The following CPEB2 variants were observed in gnomAD, a reference collection of about 807,000 sequenced individuals.
The protein encoded by CPEB2 is cytoplasmic polyadenylation element-binding protein 2.
Under a neutral mutation model 93.6 loss-of-function variants are expected in CPEB2, and 56 were observed. That is an observed-to-expected ratio of 0.60 (90% CI 0.48 to 0.75). The LOEUF (loss-of-function observed/expected upper bound fraction) is 0.75, where lower values mean the gene tolerates loss of function less well. Among genes scored for constraint, CPEB2 ranks in the 30% least tolerant of loss-of-function variants. The pLI is 0.00. For synonymous variants in CPEB2, 764 were observed against 586.3 expected, an observed-to-expected ratio of 1.30 and a Z score of -4.38; for missense variants, 1,579 against 1,395.1, an observed-to-expected ratio of 1.13 and a Z score of -2.10.
At chr4:15,020,755 G>A (rs921521506) in intron 4 of CPEB2, among the ~76,000 whole-genome samples, 8 of 152,124 alleles carry the variant, frequency 5.3e-5, no homozygotes, top group Non-Finnish European at 1.0e-4. Context: ...GCACGTTGTC[G>A]GAGACAGACA....
chr4:15,040,989 A>AAT (rs1173425617), intron 6 of CPEB2, among the ~76,000 whole-genome samples: 2 of 152,088 alleles, frequency 1.3e-5, no homozygotes, highest in Non-Finnish European at 1.5e-5. Flanking sequence ...GTTTTCTAAG[A>AAT]ATATAACCCC....
Position 15,058,558 on chromosome 4 carries a change from A to G in CPEB2, c.2580+19A>G. 7.3e-7 allele frequency: 1 copy of G among 1,367,108 alleles called. No individual in the cohort carries two copies. Among genetic ancestry groups the G allele is most frequent in the Non-Finnish European group, 1.0e-6 (1 of 971,236 alleles). The allele number at this position is 1,367,108 out of a possible 1,614,324, so 84.7% of individuals were successfully genotyped here. A position where few individuals can be genotyped will look rare whatever the true frequency, so the allele number is the denominator to read the frequency against. On this transcript the variant is annotated intron_variant, in intron 9 of 11. Transcript: ENST00000538197. ...CAAACCAGTAAGTAAATACCACATG[A>G]ACTTCAGGCTACAAATGCAAATTTT...
chr4:15,023,162 A>C (rs949462245), intron 4 of CPEB2, among the ~76,000 whole-genome samples: 1 of 152,086 alleles, frequency 6.6e-6, no homozygotes, highest in Admixed American at 6.6e-5. Flanking sequence ...ACCACAAAAC[A>C]TCTTTCATAT....
intron 4 of CPEB2, chr4:15,017,904 C>T (rs1456225364): frequency 6.6e-6 from 1 of 151,672 alleles, no homozygotes; most frequent in Non-Finnish European, 1.5e-5. Context: ...TGAAAAAAAG[C>T]AATTATTATA....
At chr4:15,024,676 T>C (rs1369264557) in intron 4 of CPEB2, among the ~76,000 whole-genome samples, 1 of 152,120 alleles carries the variant, frequency 6.6e-6, no homozygotes, top group Non-Finnish European at 1.5e-5. Context: ...GTACCTTCAT[T>C]GGACCCTTTT....
At chr4:15,017,795 CA>C (rs1724343358) in intron 4 of CPEB2, 1 of 151,734 alleles carries the variant, frequency 6.6e-6, no homozygotes, top group African/African-American at 2.4e-5. Flanking sequence ...AGAACCGGCC[CA>C]CTTACCCTAT....
Position 15,007,578 on chromosome 4 carries a change from C to T in CPEB2, c.1936C>T (p.Pro646Ser). Residue 646 changes from proline (P) to serine (S), a missense_variant, in exon 2 of 12, where the codon CCC (proline) becomes TCC (serine). Pro to Ser is a moderately conservative substitution (Grantham distance 74). Transcript: ENST00000538197. ...AGACAACAATAGTAATACACTCTTA[C>T]CCTTACAGGTAAGAATGGTATGTAA... ...RTDNNSNTLL[P>S]LQVRSSLQLP... 2.5e-6 allele frequency: 4 copies of T among 1,576,568 alleles called. No individual in the cohort carries two copies. The highest frequency in any genetic ancestry group is 2.6e-6 in the Non-Finnish European group (3 of 1,156,224).
chr4:15,018,807 T>G (rs1185073622), intron 4 of CPEB2, among the ~76,000 whole-genome samples: 2 of 149,416 alleles, frequency 1.3e-5, no homozygotes, highest in African/African-American at 2.4e-5. Flanking sequence ...TTAGACAAAA[T>G]GTTCATTGTG....
chr4:15,028,236 A>G (rs1560231180), intron 4 of CPEB2, among the ~76,000 whole-genome samples: 1 of 152,232 alleles, frequency 6.6e-6, no homozygotes, highest in East Asian at 1.9e-4. Context: ...TATCTTGGCA[A>G]AGAGCAATAA....
At chr4:15,013,351 C>T (rs929948156) in intron 3 of CPEB2, among the ~76,000 whole-genome samples, 1 of 151,968 alleles carries the variant, frequency 6.6e-6, no homozygotes, top group Non-Finnish European at 1.5e-5. Context: ...GCACACTTTT[C>T]CTCATAGAGT....
At chr4:15,017,156 AT>A in intron 3 of CPEB2, 31 bp from the exon 4 acceptor site, 1 of 1,252,132 alleles carries the variant, frequency 8.0e-7, no homozygotes. Context: ...AACTGCATAG[AT>A]TATAATGTCT....
chr4:15,040,675 G>T (rs561878710), intron 6 of CPEB2, among the ~76,000 whole-genome samples, 188 bp downstream of exon 6: 1 of 152,134 alleles, frequency 6.6e-6, no homozygotes, highest in East Asian at 1.9e-4. Context: ...TATACTAATT[G>T]TGGTTATTTA....
At chr4:15,037,175 T>C (rs1158378272) in intron 5 of CPEB2, among the ~76,000 whole-genome samples, 15 of 152,102 alleles carry the variant, frequency 9.9e-5, no homozygotes, top group Admixed American at 9.2e-4. Flanking sequence ...TGGTGGTGGG[T>C]GCCTGTAGTC....
rs1307837106 is a variant in CPEB2 at position 15,003,992 on chromosome 4, C to T, written c.1319C>T (p.Pro440Leu). Residue 440 changes from proline (P) to leucine (L), a missense_variant, in exon 1 of 12, where the codon CCG becomes CTG. This residue lies in a region of CPEB2 where 1,411 missense variants were observed against 1,056.0 expected (regional missense o/e 1.34). Coordinates refer to ENST00000538197, the MANE Select transcript of CPEB2 (RefSeq NM_001177382.2). ...GSGGSLSAMP[P>L]PSPDSENGFY... ...GGCGGCTCGCTCAGCGCCATGCCGC[C>T]GCCCAGCCCCGACTCAGAGAACGGC... The T allele has an allele frequency of 6.6e-7, 1 of 1,503,806 alleles. No homozygotes were observed. Among genetic ancestry groups the T allele is most frequent in the Non-Finnish European group, 8.9e-7 (1 of 1,126,762 alleles). 93.2% of individuals were successfully genotyped at this position (1,503,806 alleles called of 1,614,324 possible).
chr4:15,033,059 A>G, intron 4 of CPEB2, 102 bp from the exon 5 acceptor site: 1 of 749,350 alleles, frequency 1.3e-6, no homozygotes, highest in Non-Finnish European at 2.3e-6. Flanking sequence ...GTGCTCAATA[A>G]TTTTCTCTTT....
chr4:15,003,883 C>A lies in CPEB2; in HGVS notation c.1210C>A (p.Gln404Lys). The A allele has an allele frequency of 2.3e-6, 2 of 870,202 alleles. No individual in the cohort carries two copies. Among genetic ancestry groups the A allele is most frequent in the Non-Finnish European group, 3.0e-6 (2 of 659,522 alleles). The allele number at this position is 870,202 out of a possible 1,614,324, so 53.9% of individuals were successfully genotyped here. A position where few individuals can be genotyped will look rare whatever the true frequency, so the allele number is the denominator to read the frequency against. The stretch of plus-strand genomic sequence containing the variant: ...GCAGCCGCCGCCGACCCAGCCGCAG[C>A]AGCAGCCGCCGCCACCCCAGCAGCC... The part of the protein sequence containing the change: ...PQQPPPTQPQ[Q>K]QPPPPQQPPQ... The change falls in exon 1 of 12, where the codon CAG (glutamine) becomes AAG (lysine). Residue 404 changes from glutamine to lysine, a missense_variant. Gln to Lys is a moderately conservative substitution (Grantham distance 53). This residue lies in a region of CPEB2 where 1,411 missense variants were observed against 1,056.0 expected (regional missense o/e 1.34). Coordinates refer to ENST00000538197, the MANE Select transcript of CPEB2 (RefSeq NM_001177382.2).
chr4:15,058,690 A>T (rs765963792), intron 9 of CPEB2, 151 bp downstream of exon 9: 6 of 593,680 alleles, frequency 1.0e-5, no homozygotes, highest in Non-Finnish European at 1.8e-5. Context: ...GGAGTCCCCA[A>T]CCCCTGGGCA....
chr4:15,032,731 G>C lies in CPEB2; in HGVS notation c.2126-430G>C, dbSNP rs182463143. Reference sequence around the variant, plus strand: ...TATTTTTTATTTTAACATTTTAATTGTTTTTGATTTAGGAATATGAAATTC... The same window carrying C: ...TATTTTTTATTTTAACATTTTAATTCTTTTTGATTTAGGAATATGAAATTC... On this transcript the variant is annotated intron_variant, in intron 4 of 11. Transcript: ENST00000538197. 2.8e-3 allele frequency among the ~76,000 whole-genome samples: 431 copies of C among 151,958 alleles called. 1 individual carries two copies. Among genetic ancestry groups the C allele is most frequent in the African/African-American group, 9.9e-3 (409 of 41,496 alleles).
rs531551038 is a variant in CPEB2 at position 15,014,850 on chromosome 4, G to A, written c.2035-2338G>A. On this transcript the variant is annotated intron_variant, in intron 3 of 11. Coordinates refer to ENST00000538197, the MANE Select transcript of CPEB2 (RefSeq NM_001177382.2). ...TGAACACAGTATAGTGGAAGCACAG[G>A]GAAGATGGAAATATCTGGATAGATT... 2.6e-5 allele frequency among the ~76,000 whole-genome samples: 4 copies of A among 152,124 alleles called. No individual in the cohort carries two copies. The South Asian group carries it at 8.3e-4, about 32-fold the overall frequency.
Sources: allele counts gnomAD v4.1 joint callset (sites outside exome capture counted in the v4.1 genomes callset), GRCh38; gene constraint gnomAD v4.1.1; regional missense constraint gnomAD v4.1.1; transcripts MANE v1.5; gene names NCBI Gene and HGNC (gene_info 2026-07-23, HGNC 2026-07-21).